FAM168A: variants seen among roughly 807,000 people sequenced by gnomAD.
FAM168A encodes the protein protein FAM168A.
Under a neutral mutation model 28.5 loss-of-function variants are expected in FAM168A, and 3 were observed. The observed-to-expected ratio is 0.11, with a 90% CI of 0.05 to 0.27. The LOEUF (loss-of-function observed/expected upper bound fraction) is 0.27. Among genes scored for constraint, FAM168A ranks in the 10% least tolerant of loss-of-function variants. The probability of loss-of-function intolerance (pLI) is 1.00; values close to 1 mark genes in which losing one functional copy is unlikely to be tolerated. For synonymous variants in FAM168A, 122 were observed against 124.2 expected, an observed-to-expected ratio of 0.98 and a Z score of 0.12; for missense variants, 222 against 311.5, an observed-to-expected ratio of 0.71 and a Z score of 2.16.
At chr11:73,501,866 C>T (rs1855015404) in intron 1 of FAM168A, among the ~76,000 whole-genome samples, 1 of 152,064 alleles carries the variant, frequency 6.6e-6, no homozygotes, top group Non-Finnish European at 1.5e-5. Context: ...CTTTGGGAGG[C>T]CAAGGCGGGC....
intron 2 of FAM168A, among the ~76,000 whole-genome samples, chr11:73,448,821 G>C (rs1221017177): frequency 2.0e-5 from 3 of 152,120 alleles, no homozygotes; most frequent in Non-Finnish European, 4.4e-5. Context: ...AGAGATATTG[G>C]TCTTGTACTC....
chr11:73,445,430 T>C (rs1418794589), intron 2 of FAM168A, among the ~76,000 whole-genome samples: 1 of 124,588 alleles, frequency 8.0e-6, no homozygotes, highest in African/African-American at 3.3e-5. Flanking sequence ...TTTTTTTTTT[T>C]TTTTTTTTTT....
chr11:73,494,770 A>G (rs1323887903), intron 1 of FAM168A, among the ~76,000 whole-genome samples: 1 of 152,128 alleles, frequency 6.6e-6, no homozygotes, highest in Non-Finnish European at 1.5e-5. Flanking sequence ...GAGGCCGAGG[A>G]GGGCGGATTA....
intron 1 of FAM168A, among the ~76,000 whole-genome samples, chr11:73,493,767 C>T (rs914251289): frequency 4.6e-5 from 7 of 151,998 alleles, no homozygotes; most frequent in Non-Finnish European, 7.4e-5. Flanking sequence ...AAAACTGTCC[C>T]AGAGTTTAAA....
At chr11:73,496,289 A>G (rs540736415) in intron 1 of FAM168A, among the ~76,000 whole-genome samples, 1 of 152,372 alleles carries the variant, frequency 6.6e-6, no homozygotes, top group East Asian at 1.9e-4. Flanking sequence ...AACAGAAAGT[A>G]AAATGGTGGT....
At chr11:73,472,148 G>C (rs1565260813) in intron 1 of FAM168A, among the ~76,000 whole-genome samples, 1 of 152,254 alleles carries the variant, frequency 6.6e-6, no homozygotes, top group East Asian at 1.9e-4. Flanking sequence ...GTGCCAAAAA[G>C]GTTGGGGACC....
chr11:73,453,895 T>C (rs2134551128), intron 2 of FAM168A, among the ~76,000 whole-genome samples: 1 of 152,336 alleles, frequency 6.6e-6, no homozygotes, highest in Middle Eastern at 3.4e-3. Context: ...TTAAGGACCA[T>C]ACATAACTAA....
At chr11:73,575,802 G>C (rs542788740) in intron 1 of FAM168A, among the ~76,000 whole-genome samples, 2 of 152,142 alleles carry the variant, frequency 1.3e-5, no homozygotes, top group Admixed American at 6.5e-5. Context: ...CTGGGAGGTG[G>C]AGGTTGCAGT....
At position 73,534,654 on chromosome 11, in the gene FAM168A, C is replaced by T. The variant is rs1943554913; in HGVS notation, c.-19+63269G>A. On this transcript the variant is annotated intron_variant, in intron 1 of 7. Coordinates refer to ENST00000356467, the MANE Select transcript of FAM168A (RefSeq NM_015159.3). ...CTGACCTCAGGTGATCTGGCCCCCT[C>T]AGCCTCCCAAAGTGCTGGGATTACA... Among the ~76,000 whole-genome samples, 4 of 109,830 alleles carry T rather than the reference C, an allele frequency of 3.6e-5. No homozygotes were observed. The Admixed American group carries it at 4.3e-4, about 12-fold the overall frequency. The allele number at this position is 109,830 out of a possible 152,430, so 72.1% of individuals were successfully genotyped here.
intron 4 of FAM168A, among the ~76,000 whole-genome samples, chr11:73,411,952 A>AGG (rs1031646847): frequency 1.3e-5 from 2 of 152,066 alleles, no homozygotes; most frequent in African/African-American, 4.8e-5. Flanking sequence ...CACAGAATCC[A>AGG]GGGTATCTTT....
intron 1 of FAM168A, among the ~76,000 whole-genome samples, chr11:73,525,980 T>TA (rs1943441277): frequency 6.6e-6 from 1 of 152,232 alleles, no homozygotes; most frequent in African/African-American, 2.4e-5. Context: ...AAATAAATTT[T>TA]AACTGGTAGT....
At chr11:73,495,127 TAA>T (rs765656317) in intron 1 of FAM168A, among the ~76,000 whole-genome samples, 13 of 125,568 alleles carry the variant, frequency 1.0e-4, no homozygotes, top group Non-Finnish European at 8.8e-5. Flanking sequence ...GGTATAGACG[TAA>T]AAAAAAAAAA....
chr11:73,577,797 T>C (rs1944194258), intron 1 of FAM168A, among the ~76,000 whole-genome samples: 1 of 152,208 alleles, frequency 6.6e-6, no homozygotes, highest in East Asian at 1.9e-4. Context: ...AAAAACCTGC[T>C]GTGGAGATCT....
At chr11:73,591,469 A>G (rs1348107411) in intron 1 of FAM168A, among the ~76,000 whole-genome samples, 2 of 152,176 alleles carry the variant, frequency 1.3e-5, no homozygotes, top group African/African-American at 4.8e-5. Flanking sequence ...TTTCCCTGCT[A>G]ATTCCCTACT....
intron 2 of FAM168A, among the ~76,000 whole-genome samples, chr11:73,463,300 T>G (rs945808501): frequency 4.6e-5 from 7 of 152,128 alleles, no homozygotes; most frequent in African/African-American, 1.7e-4. Context: ...CAATCTTTTT[T>G]AAAAAGGCAG....
At chr11:73,481,959 C>A (rs1867972794) in intron 1 of FAM168A, among the ~76,000 whole-genome samples, 1 of 152,078 alleles carries the variant, frequency 6.6e-6, no homozygotes, top group Non-Finnish European at 1.5e-5. Flanking sequence ...CACCTAGAGC[C>A]ATGTGAGGAC....
Position 73,439,334 on chromosome 11 carries a change from C to T in FAM168A, c.71-8564G>A, listed in dbSNP as rs140517220. On this transcript the variant is annotated intron_variant, in intron 2 of 7. Coordinates refer to ENST00000356467, the MANE Select transcript of FAM168A (RefSeq NM_015159.3). ...GGAGGAAATATCCAGTAATCAATTGCGCTCTGAGTTGTGCTGCATCTTCAG... is the reference window on the plus strand; with the variant it reads ...GGAGGAAATATCCAGTAATCAATTGTGCTCTGAGTTGTGCTGCATCTTCAG... 8.9e-4 allele frequency among the ~76,000 whole-genome samples: 136 copies of T among 152,294 alleles called. 1 individual carries two copies. Among genetic ancestry groups the T allele is most frequent in the South Asian group, 4.8e-3 (23 of 4,816 alleles).
At chr11:73,547,863 A>C (rs893053775) in intron 1 of FAM168A, among the ~76,000 whole-genome samples, 6 of 151,788 alleles carry the variant, frequency 4.0e-5, no homozygotes, top group African/African-American at 1.2e-4. Context: ...AAAAAAAAAA[A>C]CACATGGTAT....
intron 1 of FAM168A, among the ~76,000 whole-genome samples, chr11:73,514,231 CA>C (rs1203712570): frequency 6.6e-6 from 1 of 151,624 alleles, no homozygotes; most frequent in East Asian, 1.9e-4. Context: ...GACCCTCTCT[CA>C]AAAAATAAAA....
Sources: gnomAD v4.1 joint callset for allele counts (sites outside exome capture counted in the v4.1 genomes callset) on GRCh38, gnomAD v4.1.1 for gene constraint, MANE v1.5 for transcripts, NCBI Gene and HGNC (gene_info 2026-07-23, HGNC 2026-07-21) for gene names.